Variants in GBGT1 observed in about 807,000 individuals in gnomAD.
GBGT1 encodes the protein globoside alpha-1,3-N-acetylgalactosaminyltransferase 1.
In GBGT1, 18 loss-of-function variants were observed where a neutral mutation model predicts 20.9. The observed-to-expected ratio is 0.86, with a 90% CI of 0.60 to 1.28. The LOEUF (loss-of-function observed/expected upper bound fraction) is 1.28, where lower values mean the gene tolerates loss of function less well. GBGT1 is among the 50% of genes most tolerant of loss of function. The probability of loss-of-function intolerance (pLI) is 0.00; values close to 1 mark genes in which losing one functional copy is unlikely to be tolerated. For missense variants in GBGT1, 432 were observed against 455.7 expected (o/e 0.95, Z 0.47); for synonymous variants, 168 against 180.8 (o/e 0.93, Z 0.57).
intron 3 of GBGT1, chr9:133,161,022 A>G (rs1588591491): frequency 2.7e-6 from 1 of 372,922 alleles, no homozygotes. Context: ...GAAAAAAAAA[A>G]AAAAGACTCC....
intron 6 of GBGT1, 53 bp downstream of exon 6, chr9:133,155,125 A>G (rs1200902192): frequency 1.9e-6 from 3 of 1,552,086 alleles, no homozygotes; most frequent in Non-Finnish European, 2.7e-6. Flanking sequence ...TCCCAACTAT[A>G]AACTCCTGTG....
In GBGT1 at chr9:133,156,077, G is replaced by A. The variant is rs1353829536; in HGVS notation, c.138-12C>T. Reference sequence around the variant, plus strand: ...GCAGCTTCATGTTGCTGGTGGCAGAGGCAAGAAAGAGCCATCATCATGGGT... The same window carrying A: ...GCAGCTTCATGTTGCTGGTGGCAGAAGCAAGAAAGAGCCATCATCATGGGT... On this transcript the variant is annotated splice_polypyrimidine_tract_variant and intron_variant, in intron 3 of 6. Coordinates refer to ENST00000372040, the MANE Select transcript of GBGT1 (RefSeq NM_021996.6). The A allele has an allele frequency of 1.2e-5, 19 of 1,613,884 alleles. No individual in the cohort carries two copies. The highest frequency in any genetic ancestry group is 1.5e-5 in the Non-Finnish European group (18 of 1,179,912).
chr9:133,162,619 G>A (rs1833089999), intron 1 of GBGT1, 87 bp from the exon 2 acceptor site: 1 of 584,006 alleles, frequency 1.7e-6, no homozygotes, highest in Non-Finnish European at 3.1e-6. Flanking sequence ...TCCATTCACT[G>A]CAACCTCTTC....
chr9:133,159,101 C>T (rs1039091917), intron 3 of GBGT1, among the ~76,000 whole-genome samples: 3 of 152,070 alleles, frequency 2.0e-5, no homozygotes, highest in Admixed American at 6.6e-5. Flanking sequence ...GCTGGGACTA[C>T]AGGTGTGTGC....
At chr9:133,156,369 A>G (rs1237293467) in intron 3 of GBGT1, among the ~76,000 whole-genome samples, 8 of 152,128 alleles carry the variant, frequency 5.3e-5, no homozygotes, top group Admixed American at 5.2e-4. Context: ...AAGATGTGAA[A>G]ACCTGCAAAG....
intron 3 of GBGT1, 140 bp from the exon 4 acceptor site, chr9:133,156,205 C>T: frequency 1.2e-6 from 1 of 845,754 alleles, no homozygotes; most frequent in African/African-American, 1.7e-5. Context: ...CCCCCACAGC[C>T]CCACCCGACT....
Position 133,154,330 on chromosome 9 carries a change from G to A in GBGT1, c.360-69C>T. ...GCCAGGGTCCCCACTGTGTGCTGGGGTCAGCCAGGCTGGGGTCCACTTACC... is the reference window on the plus strand; with the variant it reads ...GCCAGGGTCCCCACTGTGTGCTGGGATCAGCCAGGCTGGGGTCCACTTACC... On this transcript the variant is annotated intron_variant, in intron 6 of 6. Transcript: ENST00000372040. The surrounding 1 kb of genome is among the most constrained non-coding windows in gnomAD (Gnocchi z 4.2). 1.0e-6 allele frequency: 1 copy of A among 995,750 alleles called. No individual in the cohort carries two copies. Among genetic ancestry groups the A allele is most frequent in the Non-Finnish European group, 1.5e-6 (1 of 688,324 alleles). 61.7% of individuals were successfully genotyped at this position (995,750 alleles called of 1,614,324 possible).
chr9:133,158,626 G>A (rs897857808), intron 3 of GBGT1, among the ~76,000 whole-genome samples: 9 of 152,172 alleles, frequency 5.9e-5, no homozygotes, highest in Non-Finnish European at 1.3e-4. Context: ...GGTGGCTGAA[G>A]CCTCCTTGAA....
chr9:133,157,831 C>T (rs374726407), intron 3 of GBGT1, among the ~76,000 whole-genome samples: 190 of 152,314 alleles, frequency 1.2e-3, no homozygotes, highest in Non-Finnish European at 2.1e-3. Context: ...GTGTTTCCAG[C>T]AGGTGGAAGC....
chr9:133,153,657 C>T lies in GBGT1; in HGVS notation c.964G>A (p.Asp322Asn), dbSNP rs186493112. The T allele has an allele frequency of 2.2e-5, 35 of 1,609,846 alleles. No individual in the cohort carries two copies. The highest frequency in any genetic ancestry group is 1.7e-4 in the Middle Eastern group (1 of 6,036). Residue 322 changes from aspartate (D) to asparagine (N), a missense_variant, in exon 7 of 7, where the codon GAC becomes AAC. Coordinates refer to ENST00000372040, the MANE Select transcript of GBGT1 (RefSeq NM_021996.6). ...AGGCTGGGTGGCTGGGGCTTCCTGT[C>T]GTCCCAGAGGTACTCGGGGGACAGC... ...KVLSPEYLWD[D>N]RKPQPPSLKL... is the part of the protein sequence containing the mutation.
intron 3 of GBGT1, chr9:133,160,116 G>A: frequency 3.0e-6 from 1 of 330,816 alleles, no homozygotes; most frequent in South Asian, 2.2e-5. Flanking sequence ...ATGATGAAAT[G>A]CTGTTTCTAC....
intron 3 of GBGT1, chr9:133,160,384 T>C (rs755099253): frequency 6.6e-6 from 1 of 152,312 alleles, no homozygotes; most frequent in Non-Finnish European, 1.5e-5. Context: ...TTTGTTTTCA[T>C]AACCTCTGGT....
In GBGT1 at chr9:133,153,552, T is replaced by A; in HGVS notation, c.*25A>T. 12 of 1,501,738 alleles carry A rather than the reference T, an allele frequency of 8.0e-6. No individual in the cohort carries two copies. Among genetic ancestry groups the A allele is most frequent in the Non-Finnish European group, 1.1e-5 (12 of 1,118,426 alleles). 93.0% of individuals were successfully genotyped at this position (1,501,738 alleles called of 1,614,324 possible). ...GTGGCTGCAGGTCTTTGGGTCCCCATCCATGGCAACCCCCAGCTCCGTGGT... is the reference window on the plus strand; with the variant it reads ...GTGGCTGCAGGTCTTTGGGTCCCCAACCATGGCAACCCCCAGCTCCGTGGT... On this transcript the variant is annotated 3_prime_UTR_variant, in exon 7 of 7. Coordinates refer to ENST00000372040, the MANE Select transcript of GBGT1 (RefSeq NM_021996.6).
rs1832769394 is a variant in GBGT1, at chr9:133,153,509, C to T, written c.*68G>A. The T allele has an allele frequency of 2.5e-6, 3 of 1,192,284 alleles. No individual in the cohort carries two copies. The highest frequency in any genetic ancestry group is 4.8e-5 in the East Asian group (2 of 41,940). 73.9% of individuals were successfully genotyped at this position (1,192,284 alleles called of 1,614,324 possible). ...AGGGAGGCGGGACAGGGCTGGTCTG[C>T]ACGCTAGTGAAGCACTGGTGGCTGC... is the stretch of plus-strand genomic sequence containing the variant. On this transcript the variant is annotated 3_prime_UTR_variant, in exon 7 of 7. Transcript: ENST00000372040.
rs1410600658 is a variant in GBGT1, at chr9:133,155,890, A to G, written c.224+11T>C. ...TCCCCCGCCCCCATCAGGCCTCTCC[A>G]TGACACCTACCTGTGCTCCAGCAGC... is the stretch of plus-strand genomic sequence containing the variant. On this transcript the variant is annotated intron_variant, in intron 5 of 6. Coordinates refer to ENST00000372040, the MANE Select transcript of GBGT1 (RefSeq NM_021996.6). 6.2e-7 allele frequency: 1 copy of G among 1,613,952 alleles called. No individual in the cohort carries two copies. The highest frequency in any genetic ancestry group is 1.1e-5 in the South Asian group (1 of 91,082).
At chr9:133,162,823 C>T (rs925932238) in intron 1 of GBGT1, among the ~76,000 whole-genome samples, 1 of 152,240 alleles carries the variant, frequency 6.6e-6, no homozygotes, top group African/African-American at 2.4e-5. Context: ...GCTTGAGCCA[C>T]TGCACCGGGC....
At chr9:133,156,176 G>GCA in intron 3 of GBGT1, 111 bp from the exon 4 acceptor site, 1 of 1,199,740 alleles carries the variant, frequency 8.3e-7, no homozygotes, top group Non-Finnish European at 1.2e-6. Context: ...CAGGGTCCAT[G>GCA]CAGGCTCCCT....
In GBGT1 at chr9:133,155,161, C is replaced by T; in HGVS notation, c.359+17G>A. The T allele has an allele frequency of 1.2e-6, 2 of 1,611,518 alleles. No homozygotes were observed. Among genetic ancestry groups the T allele is most frequent in the South Asian group, 1.1e-5 (1 of 91,024 alleles). On this transcript the variant is annotated intron_variant, in intron 6 of 6. Coordinates refer to ENST00000372040, the MANE Select transcript of GBGT1 (RefSeq NM_021996.6). ...GCTCAGGGAGACCTCCCTCCCCTTC[C>T]CCAGCCCACTACTCACTTCCCCACG... is the stretch of plus-strand genomic sequence containing the variant.
Position 133,153,573 on chromosome 9 carries a change from G to A in GBGT1, c.*4C>T, listed in dbSNP as rs376614763. Reference sequence around the variant, plus strand: ...CCCATCCATGGCAACCCCCAGCTCCGTGGTCAGCTCCTCAGGCAGCTGATA... The same window carrying A: ...CCCATCCATGGCAACCCCCAGCTCCATGGTCAGCTCCTCAGGCAGCTGATA... On this transcript the variant is annotated 3_prime_UTR_variant, in exon 7 of 7. Coordinates refer to ENST00000372040, the MANE Select transcript of GBGT1 (RefSeq NM_021996.6). The A allele has an allele frequency of 3.4e-5, 52 of 1,523,336 alleles. No homozygotes were observed. The South Asian group carries it at 3.5e-4, about 10-fold the overall frequency. 94.4% of individuals were successfully genotyped at this position (1,523,336 alleles called of 1,614,324 possible).
Sources: allele counts gnomAD v4.1 joint callset (sites outside exome capture counted in the v4.1 genomes callset), GRCh38; gene constraint gnomAD v4.1.1; non-coding constraint Gnocchi (gnomAD v3.1); transcripts MANE v1.5; gene names NCBI Gene and HGNC (gene_info 2026-07-23, HGNC 2026-07-21).